Variants in FAM167A observed in about 807,000 individuals in gnomAD.
FAM167A encodes family with sequence similarity 167 member A, also known as protein FAM167A.
In FAM167A, 23 loss-of-function variants were observed where a neutral mutation model predicts 14.9. The ratio of observed to expected loss-of-function variants is 1.55; its 90% CI spans 1.11 to 2.19. FAM167A has a LOEUF of 2.19. Among genes scored for constraint, FAM167A ranks in the 30% most tolerant of loss-of-function variants. The probability of loss-of-function intolerance (pLI) is 0.00; values close to 1 mark genes in which losing one functional copy is unlikely to be tolerated. For synonymous variants in FAM167A, 174 were observed against 117.7 expected (o/e 1.48, Z -3.10); for missense variants, 401 against 281.5 (o/e 1.42, Z -3.04).
intron 1 of FAM167A, among the ~76,000 whole-genome samples, chr8:11,461,734 A>C (rs1807548003): frequency 1.3e-5 from 2 of 152,244 alleles, no homozygotes; most frequent in Non-Finnish European, 2.9e-5. Context: ...ATTGGCTCCA[A>C]GTTGAAAATA....
Position 11,422,136 on chromosome 8 carries a change from A to G in FAM167A, c.*2237T>C. 1 of 272,580 alleles carries G rather than the reference A, an allele frequency of 3.7e-6. No individual in the cohort carries two copies. The allele number at this position is 272,580 out of a possible 1,614,324, so 16.9% of individuals were successfully genotyped here. Reference sequence around the variant, plus strand: ...ACCCAGAGAATGAAGAAAGCAAGCAAGCACTGGGTTACCCAAGCAACTAAA... The same window carrying G: ...ACCCAGAGAATGAAGAAAGCAAGCAGGCACTGGGTTACCCAAGCAACTAAA... On this transcript the variant is annotated 3_prime_UTR_variant, in exon 3 of 3. Transcript: ENST00000284486.
chr8:11,443,192 G>A (rs915991024), intron 2 of FAM167A, among the ~76,000 whole-genome samples: 4 of 152,200 alleles, frequency 2.6e-5, no homozygotes, highest in East Asian at 1.9e-4. Context: ...CTGCTGAGAG[G>A]CTGTCGTGCC....
At chr8:11,460,319 T>G (rs1483952380) in intron 1 of FAM167A, among the ~76,000 whole-genome samples, 1 of 151,922 alleles carries the variant, frequency 6.6e-6, no homozygotes, top group Non-Finnish European at 1.5e-5. Context: ...GAGAAAAGAG[T>G]TCCCGACCTG....
chr8:11,456,337 G>A, intron 1 of FAM167A, among the ~76,000 whole-genome samples: 1 of 151,922 alleles, frequency 6.6e-6, no homozygotes, highest in Non-Finnish European at 1.5e-5. Flanking sequence ...GGGTGTGAGT[G>A]TGGGGTGGTT....
intron 2 of FAM167A, among the ~76,000 whole-genome samples, chr8:11,428,260 G>A (rs1324980088): frequency 6.6e-6 from 1 of 152,194 alleles, no homozygotes; most frequent in Non-Finnish European, 1.5e-5. Flanking sequence ...TGGGGTAGCA[G>A]GAAGGAAGGG....
Position 11,464,765 on chromosome 8 carries a change from G to A in FAM167A, c.-398+1861C>T, listed in dbSNP as rs192965796. Among the ~76,000 whole-genome samples the A allele has an allele frequency of 7.2e-5, 11 of 152,320 alleles. No homozygotes were observed. The South Asian group carries it at 1.5e-3, about 20-fold the overall frequency. ...TCCTGTAGGGCCAACGGGGCTTTCT[G>A]TGAGCAAGATTTGCCTAGAGAACAC... On this transcript the variant is annotated intron_variant, in intron 1 of 2. Transcript: ENST00000284486.
chr8:11,451,841 G>T (rs999690626), intron 1 of FAM167A, among the ~76,000 whole-genome samples: 3 of 152,206 alleles, frequency 2.0e-5, no homozygotes, highest in African/African-American at 7.2e-5. Flanking sequence ...GGGATCTCCT[G>T]CCTCTGCCTT....
intron 2 of FAM167A, chr8:11,438,360 G>C (rs924283346): frequency 2.2e-6 from 1 of 444,616 alleles, no homozygotes; most frequent in Non-Finnish European, 4.5e-6. Context: ...CATCAAACAG[G>C]AATGTTGGGA....
At chr8:11,427,703 T>C (rs960098025) in intron 2 of FAM167A, among the ~76,000 whole-genome samples, 4 of 152,240 alleles carry the variant, frequency 2.6e-5, no homozygotes, top group Non-Finnish European at 5.9e-5. Context: ...TCTTTTCTCC[T>C]GATTTCATAT....
At chr8:11,469,921 T>TAAATAAATAAATAAAA (rs560781541), upstream of FAM167A, among the ~76,000 whole-genome samples, 32 of 145,016 alleles carry the variant, frequency 2.2e-4, no homozygotes, top group Middle Eastern at 3.5e-3. Flanking sequence ...AATAAATAAA[T>TAAATAAATAAATAAAA]AAAAGATTTA....
At chr8:11,463,070 C>T (rs758441082) in intron 1 of FAM167A, among the ~76,000 whole-genome samples, 1 of 152,030 alleles carries the variant, frequency 6.6e-6, no homozygotes, top group Non-Finnish European at 1.5e-5. Context: ...GTATGGACTC[C>T]GCTGGACTTG....
At chr8:11,457,546 G>A (rs1807383158) in intron 1 of FAM167A, among the ~76,000 whole-genome samples, 1 of 152,112 alleles carries the variant, frequency 6.6e-6, no homozygotes, top group Admixed American at 6.5e-5. Flanking sequence ...GAGGATGCCA[G>A]CTCCTAGCAG....
At chr8:11,453,842 G>A (rs963913311) in intron 1 of FAM167A, among the ~76,000 whole-genome samples, 1 of 152,148 alleles carries the variant, frequency 6.6e-6, no homozygotes, top group African/African-American at 2.4e-5. Flanking sequence ...ACACTGCAGG[G>A]AAGGCTGGGT....
chr8:11,428,128 G>A (rs989048630), intron 2 of FAM167A, among the ~76,000 whole-genome samples: 1 of 152,140 alleles, frequency 6.6e-6, no homozygotes, highest in African/African-American at 2.4e-5. Context: ...TTTAAGATTT[G>A]AGCTTTGGCC....
At chr8:11,458,838 C>G (rs1483667646) in intron 1 of FAM167A, among the ~76,000 whole-genome samples, 2 of 152,088 alleles carry the variant, frequency 1.3e-5, no homozygotes, top group African/African-American at 4.8e-5. Context: ...ATCTTCTGAG[C>G]CCTTAGGCCC....
upstream of FAM167A, chr8:11,466,764 C>G (rs1442926857): frequency 7.1e-6 from 1 of 140,494 alleles, no homozygotes; most frequent in Non-Finnish European, 1.6e-5. Context: ...GGCGCTGCTC[C>G]TTTCGGAAAG....
chr8:11,458,388 G>A (rs539319391), intron 1 of FAM167A, among the ~76,000 whole-genome samples: 1 of 152,232 alleles, frequency 6.6e-6, no homozygotes, highest in Non-Finnish European at 1.5e-5. Context: ...GTTTTACTGA[G>A]TCACATTTCT....
intron 2 of FAM167A, among the ~76,000 whole-genome samples, chr8:11,442,955 T>C (rs1806528351): frequency 6.6e-6 from 1 of 152,210 alleles, no homozygotes; most frequent in African/African-American, 2.4e-5. Flanking sequence ...CCCTGAGGCA[T>C]TCCAGGCCTC....
intron 2 of FAM167A, chr8:11,433,993 A>G (rs546003166): frequency 6.6e-6 from 1 of 152,200 alleles, no homozygotes; most frequent in African/African-American, 2.4e-5. Context: ...GTATTACATG[A>G]TCTTGGGTTT....
Sources: gnomAD v4.1 joint callset for allele counts (sites outside exome capture counted in the v4.1 genomes callset) on GRCh38, gnomAD v4.1.1 for gene constraint, MANE v1.5 for transcripts, NCBI Gene and HGNC (gene_info 2026-07-23, HGNC 2026-07-21) for gene names.